RDX: variants seen among roughly 807,000 people sequenced by gnomAD.
RDX encodes the protein deafness, autosomal recessive 24.
RDX carries 32 observed loss-of-function variants against 83.7 expected under a neutral mutation model. That is an observed-to-expected ratio of 0.38 (90% CI 0.29 to 0.51). RDX has a LOEUF of 0.51. Among genes scored for constraint, RDX ranks in the 20% least tolerant of loss-of-function variants. The probability of loss-of-function intolerance (pLI) is 0.87; values close to 1 mark genes in which losing one functional copy is unlikely to be tolerated. For synonymous variants in RDX, 229 were observed against 222.7 expected (o/e 1.03, Z -0.25); for missense variants, 600 against 689.9 (o/e 0.87, Z 1.46).
chr11:110,233,180 G>A, intron 13 of RDX, 57 bp downstream of exon 13: 1 of 1,603,662 alleles, frequency 6.2e-7, no homozygotes. Flanking sequence ...GTTTGTCTAA[G>A]ATGGGGAAAA....
chr11:110,258,538 T>C (rs1049977165), intron 5 of RDX, among the ~76,000 whole-genome samples: 1 of 152,140 alleles, frequency 6.6e-6, no homozygotes, highest in South Asian at 2.1e-4. Context: ...GTTAAGTGTC[T>C]AGGATCCTTA....
chr11:110,176,119 T>C (rs1362571900), intron 15 of RDX, among the ~76,000 whole-genome samples: 1 of 150,558 alleles, frequency 6.6e-6, no homozygotes, highest in Non-Finnish European at 1.5e-5. Context: ...AGAGTCTCGC[T>C]CTGTTGCCCA....
intron 15 of RDX, among the ~76,000 whole-genome samples, chr11:110,191,434 G>T (rs11530529): frequency 0.48 from 72,609 of 152,064 alleles, 17,453 homozygotes; most frequent in East Asian, 0.61. Flanking sequence ...CTCAAAATAA[G>T]AAGAGCCATC....
rs183495935 is a variant in RDX at position 110,269,965 on chromosome 11, C to A, written c.96+2571G>T. ...GCTGAGGTGGGAGGATCGCTTGAGC[C>A]TGGGAGGCAGAGGTTACAGTGAGCC... On this transcript the variant is annotated intron_variant, in intron 3 of 13. Coordinates refer to ENST00000645495, the MANE Select transcript of RDX (RefSeq NM_002906.4). 3.2e-4 allele frequency among the ~76,000 whole-genome samples: 49 copies of A among 152,156 alleles called. No homozygotes were observed. In the East Asian group the frequency reaches 8.9e-3, roughly 28 times the overall value.
intron 14 of RDX, among the ~76,000 whole-genome samples, chr11:110,204,750 C>T (rs778758999): frequency 3.9e-5 from 6 of 152,010 alleles, no homozygotes; most frequent in Non-Finnish European, 7.4e-5. Flanking sequence ...CTCCTGACCT[C>T]GTGATCTGCC....
chr11:110,262,010 T>C (rs554120039), intron 5 of RDX, among the ~76,000 whole-genome samples: 1 of 152,324 alleles, frequency 6.6e-6, no homozygotes, highest in Non-Finnish European at 1.5e-5. Context: ...AAAGCATTCC[T>C]ATTCTTTAAC....
chr11:110,211,692 A>G (rs1342314349), intron 14 of RDX, among the ~76,000 whole-genome samples: 56 of 143,782 alleles, frequency 3.9e-4, no homozygotes, highest in Admixed American at 1.5e-3. Flanking sequence ...ACTCAAAACC[A>G]CTCAACTACA....
intron 1 of RDX, among the ~76,000 whole-genome samples, chr11:110,283,077 A>G (rs1302429822): frequency 6.6e-6 from 1 of 152,252 alleles, no homozygotes; most frequent in Non-Finnish European, 1.5e-5. Context: ...ATTATATTCT[A>G]AAATATTAAG....
intron 8 of RDX, 100 bp downstream of exon 8, chr11:110,255,189 A>G (rs1859489591): frequency 1.4e-6 from 1 of 694,006 alleles, no homozygotes; most frequent in African/African-American, 1.8e-5. Flanking sequence ...GGTCCTCAGA[A>G]GCAATTTAAT....
intron 10 of RDX, among the ~76,000 whole-genome samples, chr11:110,239,947 GAAC>G (rs1865016201): frequency 6.6e-6 from 1 of 151,504 alleles, no homozygotes; most frequent in African/African-American, 2.4e-5. Context: ...CCGCTATGTA[GAAC>G]AATATAGAGT....
At chr11:110,207,266 A>AGG (rs1863640856) in intron 14 of RDX, among the ~76,000 whole-genome samples, 1 of 152,078 alleles carries the variant, frequency 6.6e-6, no homozygotes. Context: ...GAGCCACCGC[A>AGG]CCTGGCCATA....
intron 12 of RDX, 35 bp downstream of exon 12, chr11:110,236,064 A>G (rs748951433): frequency 2.1e-6 from 3 of 1,408,958 alleles, no homozygotes; most frequent in Admixed American, 3.3e-5. Flanking sequence ...TATAAAAGCT[A>G]TTCAATAAAA....
At chr11:110,284,261 T>C (rs1473427967) in intron 1 of RDX, among the ~76,000 whole-genome samples, 1 of 152,122 alleles carries the variant, frequency 6.6e-6, no homozygotes, top group Non-Finnish European at 1.5e-5. Context: ...CCAGAAGATA[T>C]TTCTCCCCCC....
chr11:110,203,978 G>A (rs1009846436), intron 14 of RDX, among the ~76,000 whole-genome samples: 1 of 151,984 alleles, frequency 6.6e-6, no homozygotes, highest in Non-Finnish European at 1.5e-5. Context: ...GGAAATGGAG[G>A]GTGCAGTGAG....
chr11:110,268,993 AATTT>A (rs1425701832), intron 3 of RDX, among the ~76,000 whole-genome samples: 2 of 149,856 alleles, frequency 1.3e-5, no homozygotes, highest in Non-Finnish European at 1.5e-5. Flanking sequence ...TTTTTTAATT[AATTT>A]ATTTATTTTT....
At chr11:110,256,434 C>T (rs899423589) in intron 7 of RDX, among the ~76,000 whole-genome samples, 1 of 152,096 alleles carries the variant, frequency 6.6e-6, no homozygotes, top group African/African-American at 2.4e-5. Context: ...CACTATGCTA[C>T]GTTTATATGC....
intron 1 of RDX, among the ~76,000 whole-genome samples, chr11:110,295,288 TAA>T (rs948751053): frequency 2.5e-4 from 34 of 134,420 alleles, no homozygotes; most frequent in African/African-American, 9.1e-4. Context: ...ATCAGTCATA[TAA>T]AAGAGTATTT....
chr11:110,255,515 A>C (rs1859506662), intron 7 of RDX, 130 bp from the exon 8 acceptor site: 1 of 649,016 alleles, frequency 1.5e-6, no homozygotes, highest in Admixed American at 2.6e-5. Context: ...ACTTATTCAT[A>C]ACTACAGTTG....
intron 1 of RDX, among the ~76,000 whole-genome samples, chr11:110,284,912 G>A (rs1220514618): frequency 6.6e-6 from 1 of 152,142 alleles, no homozygotes; most frequent in Non-Finnish European, 1.5e-5. Context: ...AAAAATCAGA[G>A]ACAGAGATAA....
Sources: gnomAD v4.1 joint callset for allele counts (sites outside exome capture counted in the v4.1 genomes callset) on GRCh38, gnomAD v4.1.1 for gene constraint, MANE v1.5 for transcripts, NCBI Gene and HGNC (gene_info 2026-07-23, HGNC 2026-07-21) for gene names.